The following CFAP47 variants were observed in gnomAD, a reference collection of about 807,000 sequenced individuals.
CFAP47 encodes cilia- and flagella-associated protein 47.
CFAP47 carries 29 observed loss-of-function variants against 148.1 expected under a neutral mutation model. That is an observed-to-expected ratio of 0.20 (90% CI 0.15 to 0.27). The LOEUF is 0.27. Among genes scored for constraint, CFAP47 ranks in the 10% least tolerant of loss-of-function variants. CFAP47 has a pLI of 1.00. For synonymous variants in CFAP47, 664 were observed against 577.3 expected (o/e 1.15, Z -2.15); for missense variants, 1,872 against 1,697.5 (o/e 1.10, Z -1.81).
intron 32 of CFAP47, among the ~76,000 whole-genome samples, chrX:36,100,402 A>G (rs747773763): frequency 8.9e-6 from 1 of 112,259 alleles, no homozygotes; most frequent in Admixed American, 9.4e-5. Context: ...TCATACAACT[A>G]TAGGCAAAAG....
intron 39 of CFAP47, among the ~76,000 whole-genome samples, chrX:36,176,616 A>G (rs1939684838): frequency 8.9e-6 from 1 of 112,446 alleles, no homozygotes; most frequent in Non-Finnish European, 1.9e-5. Flanking sequence ...AGTTTAATAA[A>G]TGGGTGAGGC....
intron 30 of CFAP47, 104 bp from the exon 31 acceptor site, chrX:36,098,689 A>G (rs1938321003): frequency 2.7e-6 from 1 of 373,800 alleles, no homozygotes; most frequent in Non-Finnish European, 4.5e-6. Flanking sequence ...AAAATCTAGC[A>G]TATATACAAA....
At chrX:36,020,760 C>T (rs1937148528) in intron 22 of CFAP47, among the ~76,000 whole-genome samples, 1 of 111,793 alleles carries the variant, frequency 8.9e-6, no homozygotes, top group African/African-American at 3.2e-5. Context: ...TGCTTATAGG[C>T]AGCAGGTCAC....
At chrX:36,158,781 A>G (rs1939397302) in intron 37 of CFAP47, among the ~76,000 whole-genome samples, 1 of 111,146 alleles carries the variant, frequency 9.0e-6, no homozygotes, top group Non-Finnish European at 1.9e-5. Flanking sequence ...TGTCAGCTGC[A>G]TTTTTACAGT....
intron 39 of CFAP47, among the ~76,000 whole-genome samples, chrX:36,174,300 A>C (rs1417726883): frequency 9.0e-6 from 1 of 110,578 alleles, no homozygotes. Flanking sequence ...GTCCATTTAC[A>C]TTTAAGGTTA....
rs6632595 is a variant in CFAP47 at position 36,375,758 on chromosome X, G to C, written c.9186-3592G>C. 4.9e-3 allele frequency among the ~76,000 whole-genome samples: 546 copies of C among 112,277 alleles called. 5 individuals are homozygous for C. Among genetic ancestry groups the C allele is most frequent in the African/African-American group, 0.016 (500 of 30,953 alleles). ...CAGTAAATAAAAACTTTCACCTTTA[G>C]GGTAACAGGGCACATTGGGGTGTGT... On this transcript the variant is annotated intron_variant, in intron 62 of 63. Coordinates refer to ENST00000378653, the MANE Select transcript of CFAP47 (RefSeq NM_001304548.2).
intron 49 of CFAP47, among the ~76,000 whole-genome samples, chrX:36,257,777 T>C (rs1441962938): frequency 1.8e-5 from 2 of 111,840 alleles, no homozygotes; most frequent in African/African-American, 6.5e-5. Flanking sequence ...GGCAAGTCTT[T>C]GGATTTTATA....
At chrX:36,069,388 A>G (rs1937703439) in intron 27 of CFAP47, among the ~76,000 whole-genome samples, 1 of 111,136 alleles carries the variant, frequency 9.0e-6, no homozygotes, top group South Asian at 3.8e-4. Context: ...AATAATGATT[A>G]ATTACTGGGC....
intron 39 of CFAP47, among the ~76,000 whole-genome samples, chrX:36,168,829 T>C (rs1226093916): frequency 8.9e-6 from 1 of 112,360 alleles, no homozygotes; most frequent in African/African-American, 3.2e-5. Context: ...TAGTCACCTT[T>C]CTTCATGCCT....
intron 40 of CFAP47, among the ~76,000 whole-genome samples, chrX:36,184,648 A>T (rs1385079032): frequency 8.9e-6 from 1 of 112,251 alleles, no homozygotes; most frequent in Admixed American, 9.4e-5. Flanking sequence ...ATAAATAAAT[A>T]AAAGACTGGT....
chrX:36,080,007 A>G (rs1242747157), intron 29 of CFAP47, among the ~76,000 whole-genome samples: 1 of 111,855 alleles, frequency 8.9e-6, no homozygotes, highest in Non-Finnish European at 1.9e-5. Flanking sequence ...ACAGAATGGG[A>G]GAAAATTTTT....
intron 29 of CFAP47, 102 bp downstream of exon 29, chrX:36,073,466 T>G: frequency 1.8e-6 from 1 of 549,350 alleles, no homozygotes; most frequent in South Asian, 3.9e-5. Context: ...ATGAAGTAAT[T>G]TATTCTAAAC....
At chrX:35,921,320 A>T (rs1470059620) in intron 1 of CFAP47, among the ~76,000 whole-genome samples, 1 of 112,417 alleles carries the variant, frequency 8.9e-6, no homozygotes, top group Non-Finnish European at 1.9e-5. Flanking sequence ...TTTATTAAAA[A>T]GTATATCTCA....
chrX:36,375,048 T>C (rs1473373250), intron 62 of CFAP47: 1 of 445,061 alleles, frequency 2.2e-6, no homozygotes, highest in Non-Finnish European at 4.1e-6. Flanking sequence ...TTTGCCAGTG[T>C]AACCACACTT....
intron 29 of CFAP47, among the ~76,000 whole-genome samples, chrX:36,077,925 A>T (rs754531835): frequency 9.0e-6 from 1 of 110,724 alleles, no homozygotes; most frequent in South Asian, 3.9e-4. Context: ...GCTACTAGGG[A>T]GGCTGAGGCA....
intron 2 of CFAP47, among the ~76,000 whole-genome samples, chrX:35,930,307 T>G: frequency 9.0e-6 from 1 of 111,570 alleles, no homozygotes; most frequent in Non-Finnish European, 1.9e-5. Context: ...CATGTATCAT[T>G]CTTTTTATAT....
chrX:35,940,196 C>T (rs1212285233), intron 2 of CFAP47, among the ~76,000 whole-genome samples: 3 of 110,904 alleles, frequency 2.7e-5, no homozygotes, highest in Admixed American at 1.9e-4. Flanking sequence ...TGGATATTAG[C>T]CCTTTGTCAG....
chrX:36,113,473 C>T (rs183878613), intron 33 of CFAP47, among the ~76,000 whole-genome samples: 4 of 111,691 alleles, frequency 3.6e-5, no homozygotes, highest in African/African-American at 1.3e-4. Context: ...GTGTAATGGG[C>T]TTCCCTTTGT....
intron 57 of CFAP47, among the ~76,000 whole-genome samples, chrX:36,346,417 C>T (rs1189014473): frequency 9.0e-6 from 1 of 110,924 alleles, no homozygotes; most frequent in East Asian, 2.8e-4. Flanking sequence ...AATTCTAATC[C>T]ATTGGACCAC....
Sources: allele counts gnomAD v4.1 joint callset (sites outside exome capture counted in the v4.1 genomes callset), GRCh38; gene constraint gnomAD v4.1.1; transcripts MANE v1.5; gene names NCBI Gene and HGNC (gene_info 2026-07-23, HGNC 2026-07-21).